FMN2: variants seen among roughly 807,000 people sequenced by gnomAD.
The protein encoded by FMN2 is formin-2.
Under a neutral mutation model 142.3 loss-of-function variants are expected in FMN2, and 51 were observed. That is an observed-to-expected ratio of 0.36 (90% CI 0.29 to 0.45). FMN2 has a LOEUF of 0.45. Ranked by LOEUF, FMN2 falls within the 20% of genes least tolerant of loss-of-function variation. The pLI is 1.00. For missense variants in FMN2, 1,936 were observed against 2,122.8 expected, an observed-to-expected ratio of 0.91 and a Z score of 1.73; for synonymous variants, 882 against 869.8, an observed-to-expected ratio of 1.01 and a Z score of -0.25.
intron 7 of FMN2, among the ~76,000 whole-genome samples, chr1:240,275,122 G>A (rs1359410550): frequency 6.6e-5 from 10 of 150,540 alleles, no homozygotes; most frequent in Non-Finnish European, 1.3e-4. Context: ...TAAGTTCTGG[G>A]ATACATGTGC....
At chr1:240,267,457 G>A (rs1668856134) in intron 7 of FMN2, among the ~76,000 whole-genome samples, 1 of 151,924 alleles carries the variant, frequency 6.6e-6, no homozygotes, top group African/African-American at 2.4e-5. Context: ...ACACATAGAG[G>A]AGAACAAAAC....
At chr1:240,216,979 T>C (rs2103414665) in intron 6 of FMN2, among the ~76,000 whole-genome samples, 1 of 152,050 alleles carries the variant, frequency 6.6e-6, no homozygotes, top group Non-Finnish European at 1.5e-5. Flanking sequence ...AAATGTGTAA[T>C]AACGACAGGA....
At chr1:240,120,235 AT>A (rs1662178865) in intron 1 of FMN2, among the ~76,000 whole-genome samples, 1 of 152,248 alleles carries the variant, frequency 6.6e-6, no homozygotes, top group Admixed American at 6.5e-5. Context: ...ACATTTAGAC[AT>A]TTGAAATGTA....
At chr1:240,181,912 C>G (rs891325627) in intron 3 of FMN2, among the ~76,000 whole-genome samples, 2 of 152,190 alleles carry the variant, frequency 1.3e-5, no homozygotes, top group Non-Finnish European at 2.9e-5. Context: ...CCATGACATC[C>G]TATTCATCTC....
chr1:240,401,543 C>A (rs1673991240), intron 15 of FMN2, among the ~76,000 whole-genome samples: 1 of 152,188 alleles, frequency 6.6e-6, no homozygotes, highest in African/African-American at 2.4e-5. Context: ...CAGCCAGACA[C>A]AATTTAGTTT....
chr1:240,186,558 C>T (rs753906545), intron 3 of FMN2, among the ~76,000 whole-genome samples: 4 of 152,146 alleles, frequency 2.6e-5, no homozygotes, highest in African/African-American at 9.7e-5. Context: ...TGGGTGGGGT[C>T]GCTGCTTGAG....
At chr1:240,378,892 C>T (rs939177024) in intron 14 of FMN2, among the ~76,000 whole-genome samples, 3 of 152,196 alleles carry the variant, frequency 2.0e-5, no homozygotes, top group South Asian at 2.1e-4. Flanking sequence ...AAACTACATT[C>T]GTATTAATAT....
At chr1:240,343,093 A>C (rs1210049404) in intron 13 of FMN2, among the ~76,000 whole-genome samples, 1 of 152,230 alleles carries the variant, frequency 6.6e-6, no homozygotes, top group Non-Finnish European at 1.5e-5. Context: ...CATATCAGGT[A>C]TATATCTAAC....
intron 4 of FMN2, among the ~76,000 whole-genome samples, chr1:240,197,636 T>A (rs6674808): frequency 0.022 from 3,396 of 152,238 alleles, 141 homozygotes; most frequent in African/African-American, 0.077. Context: ...ACGAAATCTT[T>A]GCACATTTTG....
chr1:240,434,743 T>G (rs1389000544), intron 15 of FMN2, among the ~76,000 whole-genome samples: 1 of 151,030 alleles, frequency 6.6e-6, no homozygotes, highest in Non-Finnish European at 1.5e-5. Flanking sequence ...TTTTTTTTTT[T>G]TTGTATTTTT....
chr1:240,179,505 T>C (rs1451589645), intron 3 of FMN2: 1 of 152,144 alleles, frequency 6.6e-6, no homozygotes, highest in Non-Finnish European at 1.5e-5. Context: ...AGAGAGAGGG[T>C]GTAGGAAGTG....
At chr1:240,400,348 A>C (rs889173035) in intron 15 of FMN2, among the ~76,000 whole-genome samples, 3 of 152,204 alleles carry the variant, frequency 2.0e-5, no homozygotes, top group Non-Finnish European at 4.4e-5. Flanking sequence ...GCTGGCCACC[A>C]CTGGCAGAAC....
chr1:240,124,691 G>A lies in FMN2; in HGVS notation c.1782+1346G>A, dbSNP rs376218339. Among the ~76,000 whole-genome samples the A allele has an allele frequency of 3.6e-3, 543 of 151,704 alleles. 4 individuals are homozygous for A. The highest frequency in any genetic ancestry group is 0.012 in the African/African-American group (500 of 41,358). On this transcript the variant is annotated intron_variant, in intron 2 of 17. Coordinates refer to ENST00000319653, the MANE Select transcript of FMN2 (RefSeq NM_020066.5). ...ATGATTTTTCTTTTTTTTTTGAGAC[G>A]TAGTCTCACTCTGTTCCCCAGGCTG...
chr1:240,287,718 T>C lies in FMN2; in HGVS notation c.4154-7104T>C, dbSNP rs138860511. 2.7e-4 allele frequency among the ~76,000 whole-genome samples: 41 copies of C among 152,362 alleles called. No homozygotes were observed. In the East Asian group the frequency reaches 4.6e-3, roughly 17 times the overall value. On this transcript the variant is annotated intron_variant, in intron 7 of 17. Coordinates refer to ENST00000319653, the MANE Select transcript of FMN2 (RefSeq NM_020066.5). The stretch of plus-strand genomic sequence containing the variant: ...CATTATAGGAATGTGAAATGGGCCG[T>C]AATAATAATCACAACAACCAACATT...
At chr1:240,272,932 A>T (rs556074218) in intron 7 of FMN2, among the ~76,000 whole-genome samples, 4 of 152,306 alleles carry the variant, frequency 2.6e-5, no homozygotes, top group African/African-American at 9.6e-5. Context: ...TGATTAAGAA[A>T]ATAAGTTGTA....
At chr1:240,239,715 A>T (rs1667827504) in intron 6 of FMN2, among the ~76,000 whole-genome samples, 1 of 152,252 alleles carries the variant, frequency 6.6e-6, no homozygotes, top group South Asian at 2.1e-4. Flanking sequence ...AGAAAGAAAC[A>T]TCATGCCATT....
At chr1:240,310,827 A>T (rs945405951) in intron 8 of FMN2, among the ~76,000 whole-genome samples, 5 of 152,156 alleles carry the variant, frequency 3.3e-5, no homozygotes, top group African/African-American at 9.7e-5. Context: ...TGAATGACTA[A>T]CTTCAATTCA....
intron 2 of FMN2, among the ~76,000 whole-genome samples, chr1:240,168,628 C>G (rs1038608424): frequency 6.6e-6 from 1 of 151,896 alleles, no homozygotes; most frequent in Admixed American, 6.6e-5. Flanking sequence ...TGTTATTTCC[C>G]CAATAGTAAT....
At chr1:240,389,543 T>G (rs1464638228) in intron 14 of FMN2, among the ~76,000 whole-genome samples, 1 of 152,196 alleles carries the variant, frequency 6.6e-6, no homozygotes, top group Non-Finnish European at 1.5e-5. Context: ...TTCCAAATGA[T>G]ATCTTAATTT....
Sources: gnomAD v4.1 joint callset for allele counts (sites outside exome capture counted in the v4.1 genomes callset) on GRCh38, gnomAD v4.1.1 for gene constraint, MANE v1.5 for transcripts, NCBI Gene and HGNC (gene_info 2026-07-23, HGNC 2026-07-21) for gene names.